The following BCAS3 variants were observed in gnomAD, a reference collection of about 807,000 sequenced individuals.
The protein encoded by BCAS3 is BCAS4/BCAS3 fusion.
BCAS3 carries 53 observed loss-of-function variants against 116.1 expected under a neutral mutation model. That is an observed-to-expected ratio of 0.46 (90% CI 0.37 to 0.57). BCAS3 has a LOEUF of 0.57. Among genes scored for constraint, BCAS3 ranks in the 20% least tolerant of loss-of-function variants. The pLI, the probability that BCAS3 is intolerant of heterozygous loss-of-function variation, is 0.00. For synonymous variants in BCAS3, 391 were observed against 408.2 expected (o/e 0.96, Z 0.51); for missense variants, 917 against 1,165.4 (o/e 0.79, Z 3.10).
chr17:60,875,546 A>G (rs1239740928), intron 9 of BCAS3, among the ~76,000 whole-genome samples: 1 of 152,120 alleles, frequency 6.6e-6, no homozygotes, highest in East Asian at 1.9e-4. Flanking sequence ...AAAAGAGTGA[A>G]AAAACCTTTT....
intron 22 of BCAS3, among the ~76,000 whole-genome samples, chr17:61,341,019 G>T (rs2057113817): frequency 6.6e-6 from 1 of 152,202 alleles, no homozygotes; most frequent in Admixed American, 6.5e-5. Flanking sequence ...GAGGGTCAGG[G>T]CCTGAGAGGC....
At chr17:61,070,182 C>T in intron 19 of BCAS3, 1 of 1,562,956 alleles carries the variant, frequency 6.4e-7, no homozygotes, top group South Asian at 1.1e-5. Context: ...ATGTTAAAGC[C>T]AACAAGCACC....
At chr17:61,273,923 T>TCC (rs11392921) in intron 22 of BCAS3, among the ~76,000 whole-genome samples, 14 of 150,512 alleles carry the variant, frequency 9.3e-5, no homozygotes, top group Middle Eastern at 3.4e-3. Context: ...CTTTTTTTTT[T>TCC]CCCCCACTGG....
At chr17:60,773,180 T>C in intron 6 of BCAS3, among the ~76,000 whole-genome samples, 1 of 152,148 alleles carries the variant, frequency 6.6e-6, no homozygotes, top group Non-Finnish European at 1.5e-5. Context: ...AGTATCTTGT[T>C]GTTTAAACTT....
intron 2 of BCAS3, among the ~76,000 whole-genome samples, chr17:60,681,878 C>T (rs74708328): frequency 1.3e-4 from 19 of 151,964 alleles, no homozygotes; most frequent in African/African-American, 2.7e-4. Context: ...TACAGGCATG[C>T]GCCACCATGC....
At chr17:60,727,270 ACATTCTGGC>A (rs1374500541) in intron 5 of BCAS3, 7 of 1,078,472 alleles carry the variant, frequency 6.5e-6, no homozygotes, top group Non-Finnish European at 1.0e-5. Flanking sequence ...TAGGCTCAAC[ACATTCTGGC>A]CTTAGCACAG....
chr17:60,738,552 A>G lies in BCAS3; in HGVS notation c.322-8646A>G, dbSNP rs191359028. ...CTTTTGATTAGTGTTAGCATGGTAT[A>G]TCTTCCTACATCCTGTTACTTTTAA... On this transcript the variant is annotated intron_variant, in intron 5 of 23. Coordinates refer to ENST00000407086, the MANE Select transcript of BCAS3 (RefSeq NM_017679.5). Among the ~76,000 whole-genome samples the G allele has an allele frequency of 2.6e-5, 4 of 152,280 alleles. No homozygotes were observed. The East Asian group carries it at 7.7e-4, about 29-fold the overall frequency.
At chr17:60,741,755 C>T (rs1041438508) in intron 5 of BCAS3, among the ~76,000 whole-genome samples, 1 of 152,042 alleles carries the variant, frequency 6.6e-6, no homozygotes, top group Non-Finnish European at 1.5e-5. Context: ...TTGTACGTTG[C>T]TGGTGGAAGT....
At chr17:61,209,697 G>A (rs978471918) in intron 22 of BCAS3, among the ~76,000 whole-genome samples, 1 of 152,182 alleles carries the variant, frequency 6.6e-6, no homozygotes, top group Non-Finnish European at 1.5e-5. Context: ...TTGGAAGACT[G>A]GGCTTCCTTT....
chr17:60,738,907 A>G (rs2041244542), intron 5 of BCAS3, among the ~76,000 whole-genome samples: 1 of 151,986 alleles, frequency 6.6e-6, no homozygotes, highest in Non-Finnish European at 1.5e-5. Flanking sequence ...TGACTGGCAA[A>G]TTTTATTTTT....
At chr17:61,099,890 C>G (rs1052516154) in intron 22 of BCAS3, among the ~76,000 whole-genome samples, 9 of 152,152 alleles carry the variant, frequency 5.9e-5, no homozygotes, top group African/African-American at 1.4e-4. Flanking sequence ...AGAACTGACC[C>G]TAAGTTCCAT....
intron 22 of BCAS3, among the ~76,000 whole-genome samples, chr17:61,127,239 G>T (rs1437174794): frequency 6.6e-6 from 1 of 152,058 alleles, no homozygotes; most frequent in Non-Finnish European, 1.5e-5. Context: ...ATTGTCCGTC[G>T]CAGATTGAGG....
chr17:60,693,854 A>C (rs1488839936), intron 4 of BCAS3, among the ~76,000 whole-genome samples: 6 of 150,718 alleles, frequency 4.0e-5, no homozygotes, highest in Non-Finnish European at 4.4e-5. Flanking sequence ...ATATAGCATA[A>C]AATTTACCAT....
chr17:61,338,496 GTGACCTGT>G (rs2056896134), intron 22 of BCAS3, among the ~76,000 whole-genome samples: 1 of 151,536 alleles, frequency 6.6e-6, no homozygotes, highest in South Asian at 2.1e-4. Context: ...TATCTTTGTG[GTGACCTGT>G]TGGGATTGGA....
In BCAS3 at chr17:60,924,368, A is replaced by T. The variant is rs2059259319; in HGVS notation, c.994-39A>T. ...GGCTTCAAGCTCGGTTATCAGTGAG[A>T]AAATATTTACCTCCATTTGTCTTTA... is the stretch of plus-strand genomic sequence containing the variant. On this transcript the variant is annotated intron_variant, in intron 12 of 23. Transcript: ENST00000407086. 3.8e-6 allele frequency: 6 copies of T among 1,585,208 alleles called. No homozygotes were observed. The East Asian group carries it at 1.3e-4, about 35-fold the overall frequency.
At chr17:61,070,574 G>A (rs1243855492) in intron 19 of BCAS3, among the ~76,000 whole-genome samples, 6 of 151,442 alleles carry the variant, frequency 4.0e-5, no homozygotes, top group African/African-American at 1.5e-4. Flanking sequence ...ATATAAGAAT[G>A]TATTAGTACA....
intron 5 of BCAS3, among the ~76,000 whole-genome samples, chr17:60,740,423 A>G (rs926854843): frequency 1.4e-5 from 2 of 146,536 alleles, no homozygotes; most frequent in Non-Finnish European, 3.0e-5. Flanking sequence ...ACTTGAGCCC[A>G]GGGGGGCCGA....
chr17:60,971,189 A>G (rs2061938600), intron 14 of BCAS3, among the ~76,000 whole-genome samples: 1 of 152,204 alleles, frequency 6.6e-6, no homozygotes, highest in African/African-American at 2.4e-5. Context: ...AAAGAGGTGC[A>G]TCTGTAGTCT....
chr17:61,195,348 C>T (rs890658148), intron 22 of BCAS3, among the ~76,000 whole-genome samples: 9 of 152,080 alleles, frequency 5.9e-5, no homozygotes, highest in African/African-American at 9.7e-5. Flanking sequence ...TCTCCACCAG[C>T]CGTACTCTCC....
Sources: allele counts gnomAD v4.1 joint callset (sites outside exome capture counted in the v4.1 genomes callset), GRCh38; gene constraint gnomAD v4.1.1; transcripts MANE v1.5; gene names NCBI Gene and HGNC (gene_info 2026-07-23, HGNC 2026-07-21).